GUCY1A2: variants seen among roughly 807,000 people sequenced by gnomAD.
GUCY1A2 encodes the protein guanylate cyclase soluble subunit alpha-2.
A neutral mutation model predicts 63.5 loss-of-function variants in GUCY1A2; 27 were observed. That is an observed-to-expected ratio of 0.43 (90% CI 0.31 to 0.59). The LOEUF is 0.59. Ranked by LOEUF, GUCY1A2 falls within the 20% of genes least tolerant of loss-of-function variation. The pLI is 0.11. For synonymous variants in GUCY1A2, 364 were observed against 343.5 expected, an observed-to-expected ratio of 1.06 and a Z score of -0.66; for missense variants, 768 against 913.3, an observed-to-expected ratio of 0.84 and a Z score of 2.05.
intron 3 of GUCY1A2, 75 bp downstream of exon 3, chr11:106,978,544 C>G: frequency 1.0e-6 from 1 of 994,744 alleles, no homozygotes; most frequent in Non-Finnish European, 1.5e-6. Context: ...TTTGGTAGAA[C>G]ATGAAACACT....
intron 4 of GUCY1A2, among the ~76,000 whole-genome samples, chr11:106,914,508 A>G (rs1353504779): frequency 1.3e-5 from 2 of 152,130 alleles, no homozygotes; most frequent in Non-Finnish European, 2.9e-5. Context: ...GAGGTATTTT[A>G]AGAATGTCAC....
chr11:106,856,037 C>T (rs903713217), intron 4 of GUCY1A2, among the ~76,000 whole-genome samples: 3 of 151,708 alleles, frequency 2.0e-5, no homozygotes, highest in African/African-American at 7.3e-5. Context: ...GTGATCCTCC[C>T]ACCTCAGCCT....
Position 107,017,923 on chromosome 11 carries a change from G to A in GUCY1A2, c.133C>T (p.Pro45Ser). Reference protein sequence around the residue: ...CWNGSRSPPGPLEPSPAAAAA... With the variant: ...CWNGSRSPPGSLEPSPAAAAA... Reference sequence around the variant, plus strand: ...GCTGCGGCCGGGCTGGGCTCCAGCGGCCCGGGCGGGCTCCGGCTGCCATTC... The same window carrying A: ...GCTGCGGCCGGGCTGGGCTCCAGCGACCCGGGCGGGCTCCGGCTGCCATTC... Residue 45 changes from proline (P) to serine (S), a missense_variant, in exon 1 of 8, where the codon CCG becomes TCG. Physicochemically the swap from Pro to Ser is moderately conservative, Grantham distance 74 (BLOSUM62 -1). Coordinates refer to ENST00000526355, the MANE Select transcript of GUCY1A2 (RefSeq NM_000855.3). 7.7e-7 allele frequency: 1 copy of A among 1,305,852 alleles called. No homozygotes were observed. The highest frequency in any genetic ancestry group is 9.8e-7 in the Non-Finnish European group (1 of 1,022,004). The allele number at this position is 1,305,852 out of a possible 1,614,324, so 80.9% of individuals were successfully genotyped here.
intron 7 of GUCY1A2, among the ~76,000 whole-genome samples, chr11:106,697,784 A>G (rs1413863835): frequency 6.6e-6 from 1 of 152,196 alleles, no homozygotes; most frequent in African/African-American, 2.4e-5. Context: ...AGTATTAACC[A>G]TACAATATAT....
chr11:106,674,496 A>C lies in GUCY1A2; in HGVS notation c.*13053T>G, dbSNP rs1317981109. The C allele has an allele frequency of 5.6e-6, 1 of 177,776 alleles. No homozygotes were observed. The highest frequency in any genetic ancestry group is 2.4e-5 in the African/African-American group (1 of 42,322). 11.0% of individuals were successfully genotyped at this position (177,776 alleles called of 1,614,324 possible). A position where few individuals can be genotyped will look rare whatever the true frequency, so the allele number is the denominator to read the frequency against. On this transcript the variant is annotated 3_prime_UTR_variant, in exon 8 of 8. Transcript: ENST00000526355. ...GAAAAATATTTTAAAATATAATATGAAATACCAAATGAAACTTTTTTAAAA... is the reference window on the plus strand; with the variant it reads ...GAAAAATATTTTAAAATATAATATGCAATACCAAATGAAACTTTTTTAAAA...
chr11:106,809,927 CAATTT>C (rs141065153), intron 5 of GUCY1A2, 61 bp downstream of exon 5: 367,270 of 1,075,506 alleles, frequency 0.34, 63,872 homozygotes, highest in Admixed American at 0.5. Flanking sequence ...GTAAAAAAAT[CAATTT>C]AATTCACATG....
At chr11:106,945,881 C>G (rs1045502058) in intron 3 of GUCY1A2, among the ~76,000 whole-genome samples, 5 of 152,188 alleles carry the variant, frequency 3.3e-5, no homozygotes, top group African/African-American at 1.2e-4. Context: ...AGGAGAATCG[C>G]TTGAACCTGG....
At chr11:106,972,104 A>G (rs771519181) in intron 3 of GUCY1A2, among the ~76,000 whole-genome samples, 2 of 152,178 alleles carry the variant, frequency 1.3e-5, no homozygotes, top group Non-Finnish European at 2.9e-5. Flanking sequence ...ATTGTCATAG[A>G]TAAGAGAAGC....
Position 106,730,188 on chromosome 11 carries a change from G to T in GUCY1A2, c.1837-21522C>A, listed in dbSNP as rs1418632549. Among the ~76,000 whole-genome samples, 4 of 150,128 alleles carry T rather than the reference G, an allele frequency of 2.7e-5. No individual in the cohort carries two copies. The East Asian group carries it at 5.9e-4, about 22-fold the overall frequency. ...GTTATATAGGTAAATTGCATGTCAC[G>T]GGTGTTTGTTGTACAGATAATTTCA... On this transcript the variant is annotated intron_variant, in intron 6 of 7. Coordinates refer to ENST00000526355, the MANE Select transcript of GUCY1A2 (RefSeq NM_000855.3).
rs35988321 is a variant in GUCY1A2 at position 106,958,611 on chromosome 11, T to TAA, written c.488-18435_488-18434dup. 1.7e-3 allele frequency among the ~76,000 whole-genome samples: 247 copies of TAA among 142,990 alleles called. 1 individual carries two copies. The highest frequency in any genetic ancestry group is 0.013 in the East Asian group (66 of 5,006). 93.8% of individuals were successfully genotyped at this position (142,990 alleles called of 152,430 possible). On this transcript the variant is annotated intron_variant, in intron 3 of 7. Transcript: ENST00000526355. The stretch of plus-strand genomic sequence containing the variant: ...GGCAGCTTTAAAGAACTGTTTAATA[T>TAA]AAAAAAAAAAAAGGGTACACTAGGA...
chr11:106,820,863 A>G (rs926000468), intron 4 of GUCY1A2, among the ~76,000 whole-genome samples: 14 of 152,192 alleles, frequency 9.2e-5, no homozygotes, highest in African/African-American at 3.4e-4. Context: ...GAGATGAGAT[A>G]CTGTATAATT....
chr11:106,907,787 T>G (rs1021074080), intron 4 of GUCY1A2, among the ~76,000 whole-genome samples: 1 of 152,166 alleles, frequency 6.6e-6, no homozygotes, highest in African/African-American at 2.4e-5. Context: ...TGCCACATTT[T>G]CTTAATCCAG....
In GUCY1A2 at chr11:106,811,396, CA is replaced by C. The variant is rs1228778942; in HGVS notation, c.1207-919del. On this transcript the variant is annotated intron_variant, in intron 4 of 7. Coordinates refer to ENST00000526355, the MANE Select transcript of GUCY1A2 (RefSeq NM_000855.3). ...GATTGGACTAAGGTTAAACTAAGCACACCTGGAGAAAAAGCCAGTTGCAATT... is the reference window on the plus strand; with the variant it reads ...GATTGGACTAAGGTTAAACTAAGCACCCTGGAGAAAAAGCCAGTTGCAATT... 7.2e-5 allele frequency among the ~76,000 whole-genome samples: 11 copies of C among 152,124 alleles called. No individual in the cohort carries two copies. The East Asian group carries it at 1.7e-3, about 24-fold the overall frequency.
At chr11:106,689,809 T>A (rs1408432283) in intron 7 of GUCY1A2, among the ~76,000 whole-genome samples, 1 of 151,936 alleles carries the variant, frequency 6.6e-6, no homozygotes, top group African/African-American at 2.4e-5. Context: ...CTGGCCAACA[T>A]GGTGAAACCC....
At chr11:106,774,323 G>A (rs1282955336) in intron 6 of GUCY1A2, among the ~76,000 whole-genome samples, 1 of 151,970 alleles carries the variant, frequency 6.6e-6, no homozygotes, top group Non-Finnish European at 1.5e-5. Flanking sequence ...AGTACAGACA[G>A]GGTTTCACCA....
At chr11:106,922,551 T>C (rs1860459499) in intron 4 of GUCY1A2, among the ~76,000 whole-genome samples, 1 of 139,072 alleles carries the variant, frequency 7.2e-6, no homozygotes, top group African/African-American at 3.1e-5. Context: ...CACACGAACA[T>C]ATATATATAT....
intron 2 of GUCY1A2, among the ~76,000 whole-genome samples, chr11:106,985,009 C>A (rs965248544): frequency 6.6e-6 from 1 of 152,000 alleles, no homozygotes; most frequent in Non-Finnish European, 1.5e-5. Context: ...TTAAAGTATA[C>A]GGCATTGTAC....
chr11:106,919,816 C>G (rs183343843), intron 4 of GUCY1A2, among the ~76,000 whole-genome samples: 2 of 152,082 alleles, frequency 1.3e-5, no homozygotes, highest in Non-Finnish European at 2.9e-5. Context: ...CATGAGTTCA[C>G]ACTACAGAGA....
intron 4 of GUCY1A2, among the ~76,000 whole-genome samples, chr11:106,871,603 T>C (rs1174618691): frequency 2.6e-5 from 4 of 152,150 alleles, no homozygotes; most frequent in African/African-American, 9.7e-5. Flanking sequence ...TTATATTGTA[T>C]TAAAATAATG....
Sources: allele counts gnomAD v4.1 joint callset (sites outside exome capture counted in the v4.1 genomes callset), GRCh38; gene constraint gnomAD v4.1.1; transcripts MANE v1.5; gene names NCBI Gene and HGNC (gene_info 2026-07-23, HGNC 2026-07-21).